FRMD4A: variants seen among roughly 807,000 people sequenced by gnomAD.
FRMD4A encodes the protein FERM domain containing 4A, also known as FERM domain-containing protein 4A.
A neutral mutation model predicts 129.1 loss-of-function variants in FRMD4A; 29 were observed. That is an observed-to-expected ratio of 0.22 (90% CI 0.17 to 0.31). The LOEUF (loss-of-function observed/expected upper bound fraction) is 0.31, where lower values mean the gene tolerates loss of function less well. FRMD4A is among the 10% of genes least tolerant of loss of function. The pLI, the probability that FRMD4A is intolerant of heterozygous loss-of-function variation, is 1.00. For synonymous variants in FRMD4A, 634 were observed against 571.6 expected (o/e 1.11, Z -1.56); for missense variants, 1,272 against 1,375.8 (o/e 0.92, Z 1.19).
rs184119362 is a variant in FRMD4A at position 13,655,005 on chromosome 10, C to T, written c.2954-493G>A. The stretch of plus-strand genomic sequence containing the variant: ...AGGGCATCCAGAAAGGTTCTCAGAG[C>T]CTGCTCTCTCTGCTGTTTCAGGCTT... On this transcript the variant is annotated intron_variant, in intron 22 of 24. Transcript: ENST00000357447. 422 of 160,824 alleles carry T rather than the reference C, an allele frequency of 2.6e-3. 1 individual carries two copies. The highest frequency in any genetic ancestry group is 0.015 in the South Asian group (85 of 5,600). The allele number at this position is 160,824 out of a possible 1,614,324, so 10.0% of individuals were successfully genotyped here.
In FRMD4A at chr10:14,328,754, C is replaced by T. The variant is rs147908177; in HGVS notation, c.45+1304G>A. On this transcript the variant is annotated intron_variant, in intron 2 of 24. Coordinates refer to ENST00000357447, the MANE Select transcript of FRMD4A (RefSeq NM_018027.5). The stretch of plus-strand genomic sequence containing the variant: ...ATAGATAATGCATTTTAGTGCCAGC[C>T]ATCATCACGAATACTCAGTGATGGA... Among the ~76,000 whole-genome samples the T allele has an allele frequency of 5.6e-3, 853 of 152,036 alleles. 5 individuals are homozygous for T. The highest frequency in any genetic ancestry group is 0.02 in the African/African-American group (819 of 41,468).
intron 12 of FRMD4A, among the ~76,000 whole-genome samples, chr10:13,731,042 A>AT (rs1265150535): frequency 4.2e-4 from 61 of 145,298 alleles, no homozygotes; most frequent in East Asian, 2.4e-3. Context: ...AAAAAAAAAG[A>AT]TTTTTTTTTT....
chr10:13,791,345 T>A (rs2092994929), intron 5 of FRMD4A, among the ~76,000 whole-genome samples: 1 of 152,064 alleles, frequency 6.6e-6, no homozygotes, highest in Non-Finnish European at 1.5e-5. Context: ...TGAACCAACC[T>A]GAAGTTGCAT....
intron 17 of FRMD4A, 72 bp downstream of exon 17, chr10:13,670,334 C>A: frequency 6.6e-7 from 1 of 1,511,264 alleles, no homozygotes; most frequent in Admixed American, 1.8e-5. Context: ...GTACAGAAAA[C>A]CTGGAAGGCC....
chr10:14,207,453 C>A (rs1418023604), intron 2 of FRMD4A, among the ~76,000 whole-genome samples: 3 of 152,104 alleles, frequency 2.0e-5, no homozygotes, highest in Non-Finnish European at 4.4e-5. Flanking sequence ...TGGAACCAGT[C>A]CATGGCCCAG....
At chr10:13,806,387 G>A (rs1315204192) in intron 4 of FRMD4A, among the ~76,000 whole-genome samples, 3 of 152,202 alleles carry the variant, frequency 2.0e-5, no homozygotes, top group Non-Finnish European at 4.4e-5. Context: ...ATGGATGCCA[G>A]TGTTTGATAA....
At chr10:13,919,929 T>A (rs531513088) in intron 2 of FRMD4A, among the ~76,000 whole-genome samples, 3 of 151,992 alleles carry the variant, frequency 2.0e-5, no homozygotes, top group Non-Finnish European at 4.4e-5. Context: ...CAGAGTCAGA[T>A]CCTGTCTCAA....
intron 2 of FRMD4A, among the ~76,000 whole-genome samples, chr10:14,297,060 T>C (rs911021822): frequency 1.3e-5 from 2 of 151,936 alleles, no homozygotes; most frequent in African/African-American, 4.8e-5. Context: ...CTATTTGTCA[T>C]CTCCCACCAA....
intron 2 of FRMD4A, among the ~76,000 whole-genome samples, chr10:13,886,979 A>C (rs1286948839): frequency 2.0e-5 from 3 of 152,206 alleles, no homozygotes; most frequent in Non-Finnish European, 4.4e-5. Context: ...TTTGGGGCAA[A>C]GGGTATGGAT....
intron 12 of FRMD4A, among the ~76,000 whole-genome samples, 181 bp downstream of exon 12, chr10:13,737,663 G>GA (rs2090720839): frequency 6.6e-6 from 1 of 151,904 alleles, no homozygotes; most frequent in Admixed American, 6.6e-5. Flanking sequence ...AGAAAAAAAA[G>GA]AAAAAATATT....
At chr10:13,892,816 A>C (rs537092068) in intron 2 of FRMD4A, among the ~76,000 whole-genome samples, 9 of 152,300 alleles carry the variant, frequency 5.9e-5, no homozygotes, top group Middle Eastern at 3.4e-3. Context: ...GAGGACTTAC[A>C]AACTTCGTAA....
At chr10:14,266,730 A>G (rs1170071866) in intron 2 of FRMD4A, among the ~76,000 whole-genome samples, 1 of 152,224 alleles carries the variant, frequency 6.6e-6, no homozygotes, top group Non-Finnish European at 1.5e-5. Flanking sequence ...TTTCTTTCTT[A>G]TCATAAAGAG....
intron 15 of FRMD4A, among the ~76,000 whole-genome samples, chr10:13,690,594 T>G (rs1266056694): frequency 6.6e-6 from 1 of 152,168 alleles, no homozygotes; most frequent in Non-Finnish European, 1.5e-5. Flanking sequence ...AGGCTCAAAC[T>G]TGCAGGGCTG....
At chr10:13,959,669 A>T (rs2095434224) in intron 2 of FRMD4A, among the ~76,000 whole-genome samples, 1 of 152,086 alleles carries the variant, frequency 6.6e-6, no homozygotes, top group Non-Finnish European at 1.5e-5. Context: ...GGCAAACCAG[A>T]TATAACACAG....
At chr10:14,100,957 C>T (rs868764409) in intron 2 of FRMD4A, among the ~76,000 whole-genome samples, 9 of 152,230 alleles carry the variant, frequency 5.9e-5, no homozygotes, top group Middle Eastern at 3.4e-3. Flanking sequence ...CTTTTGGGTC[C>T]TCACAACGTG....
At position 14,206,809 on chromosome 10, in the gene FRMD4A, C is replaced by CAAAAAAA. The variant is rs57029013; in HGVS notation, c.45+123242_45+123248dup. Among the ~76,000 whole-genome samples, 37 of 43,058 alleles carry CAAAAAAA rather than the reference C, an allele frequency of 8.6e-4. 2 individuals carry two copies. The highest frequency in any genetic ancestry group is 1.2e-3 in the African/African-American group (11 of 9,378). The allele number at this position is 43,058 out of a possible 152,430, so 28.2% of individuals were successfully genotyped here. A position where few individuals can be genotyped will look rare whatever the true frequency, so the allele number is the denominator to read the frequency against. On this transcript the variant is annotated intron_variant, in intron 2 of 24. Transcript: ENST00000357447. ...TGGATGACAGAGTGAGACGCTATCT[C>CAAAAAAA]AAAAAAAAAAAAGAGAGACAGAGAA...
intron 2 of FRMD4A, among the ~76,000 whole-genome samples, chr10:14,166,167 AAAT>A (rs1841165508): frequency 6.6e-6 from 1 of 150,616 alleles, no homozygotes. Flanking sequence ...AATGTTATAT[AAAT>A]AATATATTAA....
chr10:13,776,379 G>C (rs1425349214), intron 6 of FRMD4A, among the ~76,000 whole-genome samples: 1 of 152,146 alleles, frequency 6.6e-6, no homozygotes, highest in Non-Finnish European at 1.5e-5. Context: ...CCAAAGTGCT[G>C]GTATTATAGG....
At chr10:13,710,792 C>T (rs773145504) in intron 12 of FRMD4A, 8 of 152,490 alleles carry the variant, frequency 5.2e-5, no homozygotes, top group African/African-American at 1.9e-4. Flanking sequence ...GTGGGCAGAT[C>T]ACTTGAGGTC....
Sources: gnomAD v4.1 joint callset for allele counts (sites outside exome capture counted in the v4.1 genomes callset) on GRCh38, gnomAD v4.1.1 for gene constraint, MANE v1.5 for transcripts, NCBI Gene and HGNC (gene_info 2026-07-23, HGNC 2026-07-21) for gene names.